SPAG1: variants seen among roughly 807,000 people sequenced by gnomAD.
The protein encoded by SPAG1 is sperm-associated antigen 1.
SPAG1 carries 69 observed loss-of-function variants against 100.5 expected under a neutral mutation model. That is an observed-to-expected ratio of 0.69 (90% CI 0.57 to 0.84). SPAG1 has a LOEUF of 0.84. Ranked by LOEUF, SPAG1 falls within the 40% of genes least tolerant of loss-of-function variation. The pLI is 0.00. For synonymous variants in SPAG1, 336 were observed against 411.6 expected, an observed-to-expected ratio of 0.82 and a Z score of 2.22; for missense variants, 955 against 1,133.1, an observed-to-expected ratio of 0.84 and a Z score of 2.26.
chr8:100,167,638 CTG>C (rs1214939114), intron 3 of SPAG1, among the ~76,000 whole-genome samples: 2 of 152,180 alleles, frequency 1.3e-5, no homozygotes, highest in East Asian at 1.9e-4. Flanking sequence ...TTTCATGAAT[CTG>C]TCACTTAAAT....
chr8:100,170,492 C>A (rs1815766784), intron 3 of SPAG1, among the ~76,000 whole-genome samples: 1 of 152,198 alleles, frequency 6.6e-6, no homozygotes, highest in African/African-American at 2.4e-5. Flanking sequence ...CTTTTTCATC[C>A]TGCAAAACAA....
At chr8:100,172,601 CAG>C (rs1815912496) in intron 3 of SPAG1, among the ~76,000 whole-genome samples, 1 of 150,050 alleles carries the variant, frequency 6.7e-6, no homozygotes, top group South Asian at 2.1e-4. Context: ...GCCTGGGAGA[CAG>C]AGCTAGACTC....
intron 10 of SPAG1, among the ~76,000 whole-genome samples, chr8:100,199,692 C>T (rs1337019565): frequency 2.6e-5 from 4 of 152,186 alleles, no homozygotes; most frequent in Admixed American, 2.6e-4. Context: ...GGTGATCCAC[C>T]TGCCTTGGCC....
chr8:100,194,940 G>A (rs922094178), intron 10 of SPAG1, among the ~76,000 whole-genome samples: 5 of 152,090 alleles, frequency 3.3e-5, no homozygotes, highest in Non-Finnish European at 7.3e-5. Flanking sequence ...GCCGAGGCGG[G>A]TGCATCATGA....
intron 15 of SPAG1, among the ~76,000 whole-genome samples, chr8:100,232,828 C>T (rs892391364): frequency 5.3e-5 from 8 of 152,172 alleles, no homozygotes; most frequent in African/African-American, 1.7e-4. Context: ...CAGTGCCCTT[C>T]GTGATCTGGC....
At chr8:100,193,948 T>G (rs1586451555) in intron 9 of SPAG1, among the ~76,000 whole-genome samples, 164 bp from the exon 10 acceptor site, 2 of 152,036 alleles carry the variant, frequency 1.3e-5, no homozygotes, top group South Asian at 2.1e-4. Flanking sequence ...TGTGTGTGTT[T>G]TTTTTTTACA....
In SPAG1 at chr8:100,241,711, C is replaced by T. The variant is rs1208672162; in HGVS notation, c.*689C>T. 1 of 152,146 alleles carries T rather than the reference C, an allele frequency of 6.6e-6. No homozygotes were observed. The highest frequency in any genetic ancestry group is 2.4e-5 in the African/African-American group (1 of 41,432). The allele number at this position is 152,146 out of a possible 1,614,324, so 9.4% of individuals were successfully genotyped here. Reference sequence around the variant, plus strand: ...CAAAAAACCAACCACTGTATTAAAGCAAACTAAGCCTGCATTTATATCTGA... The same window carrying T: ...CAAAAAACCAACCACTGTATTAAAGTAAACTAAGCCTGCATTTATATCTGA... On this transcript the variant is annotated 3_prime_UTR_variant, in exon 19 of 19. Coordinates refer to ENST00000388798, the MANE Select transcript of SPAG1 (RefSeq NM_003114.5). The surrounding 1 kb of genome is among the most constrained non-coding windows in gnomAD (Gnocchi z 5.1).
chr8:100,204,189 A>T (rs1427666066), intron 10 of SPAG1, among the ~76,000 whole-genome samples: 1 of 152,042 alleles, frequency 6.6e-6, no homozygotes, highest in Non-Finnish European at 1.5e-5. Flanking sequence ...GCCAGGCAAG[A>T]TAATGTTGAT....
At position 100,202,003 on chromosome 8, in the gene SPAG1, T is replaced by C. The variant is rs561466442; in HGVS notation, c.1096+7735T>C. Among the ~76,000 whole-genome samples the C allele has an allele frequency of 1.4e-4, 21 of 152,276 alleles. 1 individual carries two copies. The highest frequency in any genetic ancestry group is 4.6e-4 in the African/African-American group (19 of 41,556). On this transcript the variant is annotated intron_variant, in intron 10 of 18. Coordinates refer to ENST00000388798, the MANE Select transcript of SPAG1 (RefSeq NM_003114.5). ...TAACTTGAAACCTGTTGGTGAGAAG[T>C]TCTGGAGGCCCAGACTTGTAACTGG...
chr8:100,222,376 A>T (rs1818323731), intron 13 of SPAG1, among the ~76,000 whole-genome samples: 1 of 152,130 alleles, frequency 6.6e-6, no homozygotes, highest in African/African-American at 2.4e-5. Flanking sequence ...CTGAGGTCAG[A>T]AATTGTGTTT....
intron 12 of SPAG1, among the ~76,000 whole-genome samples, chr8:100,217,096 C>A (rs1818030914): frequency 1.3e-5 from 2 of 151,958 alleles, no homozygotes; most frequent in South Asian, 4.2e-4. Flanking sequence ...ACCACCGCAC[C>A]TGGCTAATTT....
At position 100,231,253 on chromosome 8, in the gene SPAG1, G is replaced by A. The variant is rs752333586; in HGVS notation, c.1953G>A (p.Lys651=). 6.2e-7 allele frequency: 1 copy of A among 1,600,442 alleles called. No homozygotes were observed. Among genetic ancestry groups the A allele is most frequent in the South Asian group, 1.1e-5 (1 of 89,150 alleles). The stretch of plus-strand genomic sequence containing the variant: ...TCAGTAAATACAGCGAATGCTTAAA[G>A]ATTAACAATAAGGAATGTGCCATAT... ...DALSKYSECL[K]INNKECAIYT... Residue 651 remains lysine, a synonymous_variant, in exon 15 of 19, where the codon AAG becomes AAA. Coordinates refer to ENST00000388798, the MANE Select transcript of SPAG1 (RefSeq NM_003114.5).
intron 14 of SPAG1, among the ~76,000 whole-genome samples, chr8:100,230,493 GC>G: frequency 6.6e-6 from 1 of 152,176 alleles, no homozygotes. Flanking sequence ...AGTCACCTGA[GC>G]CCTGTTAGCA....
At chr8:100,179,518 A>G (rs1344632210) in intron 4 of SPAG1, among the ~76,000 whole-genome samples, 1 of 152,168 alleles carries the variant, frequency 6.6e-6, no homozygotes, top group Admixed American at 6.5e-5. Context: ...AGTATGGTCT[A>G]GGAAGCCCTT....
rs190179441 is a variant in SPAG1, at chr8:100,235,690, T to C, written c.2115+2153T>C. Among the ~76,000 whole-genome samples the C allele has an allele frequency of 2.4e-4, 37 of 152,280 alleles. No homozygotes were observed. The East Asian group carries it at 6.6e-3, about 27-fold the overall frequency. On this transcript the variant is annotated intron_variant, in intron 16 of 18. Transcript: ENST00000388798. The stretch of plus-strand genomic sequence containing the variant: ...ATGAGGACCACCCAGGTGCACTGAA[T>C]GGCCACCTTTTCCAGATTGTAGATC...
At chr8:100,225,107 A>G (rs1427932420) in intron 13 of SPAG1, 66 bp from the exon 14 acceptor site, 1 of 1,345,958 alleles carries the variant, frequency 7.4e-7, no homozygotes, top group African/African-American at 1.5e-5. Flanking sequence ...TTTATTCTTA[A>G]TCTGACCTTC....
In SPAG1 at chr8:100,174,608, C is replaced by T. The variant is rs548874452; in HGVS notation, c.301-3208C>T. ...CACCGTTTGCTTTAGTTTTAGTCCC[C>T]GTATCACAGAGGGTAGATGTTGTGA... is the stretch of plus-strand genomic sequence containing the variant. On this transcript the variant is annotated intron_variant, in intron 3 of 18. Transcript: ENST00000388798. Among the ~76,000 whole-genome samples, 50 of 152,282 alleles carry T rather than the reference C, an allele frequency of 3.3e-4. No homozygotes were observed. In the South Asian group the frequency reaches 9.7e-3, roughly 30 times the overall value.
At chr8:100,221,813 G>A (rs1586524051) in intron 13 of SPAG1, among the ~76,000 whole-genome samples, 1 of 152,320 alleles carries the variant, frequency 6.6e-6, no homozygotes, top group Non-Finnish European at 1.5e-5. Context: ...TGTAGAAAAT[G>A]AGAATGGTAA....
At chr8:100,159,508 C>G (rs1815213601) in intron 1 of SPAG1, among the ~76,000 whole-genome samples, 1 of 152,192 alleles carries the variant, frequency 6.6e-6, no homozygotes, top group Non-Finnish European at 1.5e-5. Context: ...AGAAATACTT[C>G]TATGAATTAG....
Sources: gnomAD v4.1 joint callset for allele counts (sites outside exome capture counted in the v4.1 genomes callset) on GRCh38, gnomAD v4.1.1 for gene constraint, Gnocchi (gnomAD v3.1) non-coding constraint, MANE v1.5 for transcripts, NCBI Gene and HGNC (gene_info 2026-07-23, HGNC 2026-07-21) for gene names.